The following CNTN1 variants were observed in gnomAD, a reference collection of about 807,000 sequenced individuals.
CNTN1 encodes the protein contactin 1, also known as contactin-1.
A neutral mutation model predicts 126.4 loss-of-function variants in CNTN1; 38 were observed. The ratio of observed to expected loss-of-function variants is 0.30; its 90% CI spans 0.23 to 0.39. The LOEUF is 0.39. CNTN1 is among the 10% of genes least tolerant of loss of function. CNTN1 has a pLI of 1.00. For missense variants in CNTN1, 1,009 were observed against 1,248.4 expected (o/e 0.81, Z 2.89); for synonymous variants, 413 against 422.6 (o/e 0.98, Z 0.28).
chr12:40,706,428 G>A (rs1036002648), intron 1 of CNTN1, among the ~76,000 whole-genome samples: 5 of 152,012 alleles, frequency 3.3e-5, no homozygotes, highest in African/African-American at 1.2e-4. Context: ...TACGTTCCTA[G>A]TGTATCTTGT....
intron 23 of CNTN1, among the ~76,000 whole-genome samples, chr12:41,060,165 A>T (rs1344385741): frequency 6.6e-6 from 1 of 152,226 alleles, no homozygotes; most frequent in Non-Finnish European, 1.5e-5. Context: ...CAATACCCAC[A>T]AACACCAGCC....
intron 23 of CNTN1, among the ~76,000 whole-genome samples, chr12:41,042,057 T>C (rs1336492483): frequency 6.6e-6 from 1 of 152,052 alleles, no homozygotes; most frequent in Non-Finnish European, 1.5e-5. Context: ...GCATTTAGTA[T>C]TATAAATTTC....
intron 1 of CNTN1, among the ~76,000 whole-genome samples, chr12:40,798,805 TG>T (rs1170844184): frequency 1.3e-5 from 2 of 151,916 alleles, no homozygotes; most frequent in African/African-American, 4.8e-5. Flanking sequence ...GCTTAATACC[TG>T]GGTGATGAGG....
intron 6 of CNTN1, among the ~76,000 whole-genome samples, chr12:40,928,006 G>T (rs1278948492): frequency 6.6e-6 from 1 of 151,994 alleles, no homozygotes; most frequent in East Asian, 1.9e-4. Context: ...GTCATACTGA[G>T]AATTAAAATT....
intron 23 of CNTN1, among the ~76,000 whole-genome samples, chr12:41,052,864 A>G (rs1477696591): frequency 6.6e-6 from 1 of 152,034 alleles, no homozygotes; most frequent in Admixed American, 6.6e-5. Context: ...ATTTAAGCCA[A>G]AAAGAATTCT....
At chr12:40,928,386 AG>A (rs769690755) in intron 6 of CNTN1, among the ~76,000 whole-genome samples, 1 of 152,128 alleles carries the variant, frequency 6.6e-6, no homozygotes. Context: ...AAATTTAAGC[AG>A]CTCCCTAAAT....
intron 1 of CNTN1, among the ~76,000 whole-genome samples, chr12:40,693,244 G>A (rs1941349843): frequency 1.3e-5 from 2 of 152,238 alleles, no homozygotes; most frequent in Admixed American, 1.3e-4. Flanking sequence ...TGCGGCAGGT[G>A]GGAGGGAGAG....
chr12:40,959,600 T>G (rs1947035067), intron 15 of CNTN1, among the ~76,000 whole-genome samples: 2 of 151,874 alleles, frequency 1.3e-5, no homozygotes, highest in South Asian at 4.1e-4. Context: ...ATACTGATGC[T>G]GTTTACTATA....
chr12:40,922,517 G>A lies in CNTN1; in HGVS notation c.400+89G>A, dbSNP rs1013958141. The A allele has an allele frequency of 2.4e-6, 3 of 1,240,630 alleles. No individual in the cohort carries two copies. The Admixed American group carries it at 5.3e-5, about 22-fold the overall frequency. The allele number at this position is 1,240,630 out of a possible 1,614,324, so 76.9% of individuals were successfully genotyped here. ...ATCAGGAAAGGATAGTGAGAGGAAG[G>A]CATCATAGATGAGGTGGATCTTACA... On this transcript the variant is annotated intron_variant, in intron 5 of 23. Coordinates refer to ENST00000551295, the MANE Select transcript of CNTN1 (RefSeq NM_001843.4).
intron 1 of CNTN1, among the ~76,000 whole-genome samples, chr12:40,835,634 A>G (rs1942019106): frequency 6.6e-6 from 1 of 152,086 alleles, no homozygotes; most frequent in Non-Finnish European, 1.5e-5. Context: ...CTGTATTCCC[A>G]TCAATCCCAC....
chr12:40,964,557 T>C (rs1006191250), intron 15 of CNTN1, among the ~76,000 whole-genome samples: 17 of 151,692 alleles, frequency 1.1e-4, no homozygotes, highest in African/African-American at 3.9e-4. Context: ...TGTGTGTGTG[T>C]GTGCATGCAG....
Position 40,965,973 on chromosome 12 carries a change from G to A in CNTN1, c.1804+6739G>A, listed in dbSNP as rs144355732. 2.6e-3 allele frequency among the ~76,000 whole-genome samples: 385 copies of A among 150,158 alleles called. 1 individual carries two copies. The highest frequency in any genetic ancestry group is 8.8e-3 in the African/African-American group (357 of 40,594). ...AATATACACACCAAGTTAAACAGGC[G>A]TGTAAGTATACACACCTCATCACAC... On this transcript the variant is annotated intron_variant, in intron 15 of 23. Coordinates refer to ENST00000551295, the MANE Select transcript of CNTN1 (RefSeq NM_001843.4).
intron 1 of CNTN1, among the ~76,000 whole-genome samples, chr12:40,802,875 C>A (rs564233179): frequency 1.3e-5 from 2 of 152,116 alleles, no homozygotes; most frequent in African/African-American, 2.4e-5. Context: ...TTGCCATGAA[C>A]TTTGCTCTTG....
chr12:40,737,326 AGTGTGTGT>A (rs372061727), intron 1 of CNTN1, among the ~76,000 whole-genome samples: 1 of 119,010 alleles, frequency 8.4e-6, no homozygotes, highest in Middle Eastern at 4.7e-3. Flanking sequence ...TATACATGGG[AGTGTGTGT>A]GTGTGTGTGT....
intron 1 of CNTN1, among the ~76,000 whole-genome samples, chr12:40,765,697 T>C (rs1486499283): frequency 2.0e-5 from 3 of 152,218 alleles, no homozygotes; most frequent in African/African-American, 7.2e-5. Flanking sequence ...TTTGATGACC[T>C]TGACAAGAAT....
chr12:40,998,523 C>A (rs954531426), intron 17 of CNTN1, among the ~76,000 whole-genome samples: 2 of 152,092 alleles, frequency 1.3e-5, no homozygotes, highest in African/African-American at 4.8e-5. Context: ...ATGGGAACAT[C>A]ATTTTAACAT....
chr12:40,845,244 C>A (rs1325413844), intron 1 of CNTN1, among the ~76,000 whole-genome samples: 1 of 152,086 alleles, frequency 6.6e-6, no homozygotes, highest in Non-Finnish European at 1.5e-5. Flanking sequence ...ACTTGAAATG[C>A]AAGTTTATCA....
chr12:40,866,241 A>G (rs1943293317), intron 1 of CNTN1, among the ~76,000 whole-genome samples: 1 of 152,094 alleles, frequency 6.6e-6, no homozygotes, highest in Non-Finnish European at 1.5e-5. Flanking sequence ...TAAATACAAG[A>G]TTATGTCATC....
chr12:40,950,061 C>T (rs1230655433), intron 14 of CNTN1, among the ~76,000 whole-genome samples: 2 of 150,388 alleles, frequency 1.3e-5, no homozygotes, highest in Admixed American at 6.6e-5. Flanking sequence ...CATGTGGAGA[C>T]ATTTTTGGTT....
Sources: allele counts gnomAD v4.1 joint callset (sites outside exome capture counted in the v4.1 genomes callset), GRCh38; gene constraint gnomAD v4.1.1; transcripts MANE v1.5; gene names NCBI Gene and HGNC (gene_info 2026-07-23, HGNC 2026-07-21).